The following HS6ST3 variants were observed in gnomAD, a reference collection of about 807,000 sequenced individuals.
HS6ST3 encodes heparan sulfate 6-O-sulfotransferase 3.
Under a neutral mutation model 36.7 loss-of-function variants are expected in HS6ST3, and 12 were observed. The ratio of observed to expected loss-of-function variants is 0.33; its 90% CI spans 0.21 to 0.53. The LOEUF (loss-of-function observed/expected upper bound fraction) is 0.53. Among genes scored for constraint, HS6ST3 ranks in the 20% least tolerant of loss-of-function variants. The pLI is 0.95. For missense variants in HS6ST3, 584 were observed against 640.9 expected, an observed-to-expected ratio of 0.91 and a Z score of 0.96; for synonymous variants, 240 against 257.5, an observed-to-expected ratio of 0.93 and a Z score of 0.65.
intron 1 of HS6ST3, among the ~76,000 whole-genome samples, chr13:96,484,053 A>G (rs188013485): frequency 2.0e-5 from 3 of 152,204 alleles, no homozygotes; most frequent in Non-Finnish European, 4.4e-5. Context: ...TCAGTTGACT[A>G]TATTTATATG....
At chr13:96,388,211 C>T (rs1458305525) in intron 1 of HS6ST3, among the ~76,000 whole-genome samples, 1 of 152,092 alleles carries the variant, frequency 6.6e-6, no homozygotes, top group Non-Finnish European at 1.5e-5. Flanking sequence ...ATATGGCTAT[C>T]CAGAATGAAT....
chr13:96,110,737 C>T (rs1284330556), intron 1 of HS6ST3, among the ~76,000 whole-genome samples: 3 of 152,124 alleles, frequency 2.0e-5, no homozygotes, highest in African/African-American at 7.2e-5. Context: ...GATCACATTT[C>T]AACATGAGAT....
chr13:96,422,215 G>A (rs1360750499), intron 1 of HS6ST3, among the ~76,000 whole-genome samples: 2 of 152,174 alleles, frequency 1.3e-5, no homozygotes, highest in Admixed American at 6.5e-5. Context: ...AAACTCTCAG[G>A]CAGTGAGCCA....
At chr13:96,639,972 A>T (rs1046082390) in intron 1 of HS6ST3, among the ~76,000 whole-genome samples, 3 of 151,980 alleles carry the variant, frequency 2.0e-5, no homozygotes, top group African/African-American at 7.2e-5. Flanking sequence ...TGTTGATTGC[A>T]TCTAGGTTGA....
chr13:96,231,977 C>G (rs535098262), intron 1 of HS6ST3, among the ~76,000 whole-genome samples: 3 of 152,150 alleles, frequency 2.0e-5, no homozygotes, highest in Non-Finnish European at 4.4e-5. Context: ...TTGTTTCCAG[C>G]AGCATTTGTC....
intron 1 of HS6ST3, among the ~76,000 whole-genome samples, chr13:96,279,390 C>G (rs1359994083): frequency 1.3e-5 from 2 of 152,106 alleles, no homozygotes; most frequent in Non-Finnish European, 2.9e-5. Flanking sequence ...TATATGGTCT[C>G]TAGCATTGTG....
At chr13:96,439,455 C>A (rs1038156416) in intron 1 of HS6ST3, among the ~76,000 whole-genome samples, 15 of 152,150 alleles carry the variant, frequency 9.9e-5, no homozygotes, top group African/African-American at 3.4e-4. Flanking sequence ...CAAAGCAATT[C>A]AAATAAATTA....
At chr13:96,112,598 T>TAC (rs2053875197) in intron 1 of HS6ST3, among the ~76,000 whole-genome samples, 1 of 112,234 alleles carries the variant, frequency 8.9e-6, no homozygotes, top group Non-Finnish European at 1.9e-5. Context: ...TATATATATA[T>TAC]ATATATATAT....
At chr13:96,220,025 C>T (rs1056850176) in intron 1 of HS6ST3, among the ~76,000 whole-genome samples, 8 of 152,174 alleles carry the variant, frequency 5.3e-5, no homozygotes, top group South Asian at 2.1e-4. Context: ...TTACTTCATT[C>T]GCTCGTTCAT....
intron 1 of HS6ST3, among the ~76,000 whole-genome samples, chr13:96,750,661 C>T (rs16953554): frequency 0.12 from 18,355 of 152,140 alleles, 1,253 homozygotes; most frequent in African/African-American, 0.17. Context: ...ATAAGTCTGA[C>T]CCCTATGCCT....
chr13:96,747,979 T>C (rs913040821), intron 1 of HS6ST3, among the ~76,000 whole-genome samples: 17 of 152,260 alleles, frequency 1.1e-4, no homozygotes, highest in African/African-American at 4.1e-4. Context: ...GTTCTTTGGC[T>C]TTTATAAGTG....
At chr13:96,737,097 A>G (rs1183382944) in intron 1 of HS6ST3, among the ~76,000 whole-genome samples, 1 of 152,174 alleles carries the variant, frequency 6.6e-6, no homozygotes, top group Non-Finnish European at 1.5e-5. Context: ...CAGTAAACCC[A>G]AAAACTGATT....
intron 1 of HS6ST3, among the ~76,000 whole-genome samples, chr13:96,364,797 G>T (rs1473822023): frequency 6.6e-6 from 1 of 152,156 alleles, no homozygotes; most frequent in Non-Finnish European, 1.5e-5. Context: ...TAAAAATATA[G>T]GAGGGAATAC....
At position 96,703,258 on chromosome 13, in the gene HS6ST3, G is replaced by A. The variant is rs115860335; in HGVS notation, c.708-129232G>A. Among the ~76,000 whole-genome samples, 921 of 152,228 alleles carry A rather than the reference G, an allele frequency of 6.1e-3. 7 individuals are homozygous for A. The highest frequency in any genetic ancestry group is 0.021 in the African/African-American group (867 of 41,530). ...CTTCTCTAAATGATCTATTGACGTC[G>A]GCATTGCCCATCATTGATGCTTTTA... On this transcript the variant is annotated intron_variant, in intron 1 of 1. Coordinates refer to ENST00000376705, the MANE Select transcript of HS6ST3 (RefSeq NM_153456.4).
intron 1 of HS6ST3, among the ~76,000 whole-genome samples, chr13:96,414,833 T>G (rs918149743): frequency 2.6e-5 from 4 of 152,192 alleles, no homozygotes; most frequent in Non-Finnish European, 4.4e-5. Context: ...TCTTGCTGAA[T>G]AAATATGGGC....
chr13:96,292,069 ATATGT>A (rs1291243349), intron 1 of HS6ST3, among the ~76,000 whole-genome samples: 4 of 152,160 alleles, frequency 2.6e-5, no homozygotes, highest in African/African-American at 9.6e-5. Flanking sequence ...AGGTTTTGAA[ATATGT>A]TATAATTCCC....
intron 1 of HS6ST3, among the ~76,000 whole-genome samples, chr13:96,567,910 A>G (rs996314747): frequency 6.6e-6 from 1 of 152,230 alleles, no homozygotes; most frequent in African/African-American, 2.4e-5. Flanking sequence ...AGGGAAGCGC[A>G]TAAGAAAAGA....
intron 1 of HS6ST3, among the ~76,000 whole-genome samples, chr13:96,543,137 A>C (rs1265954655): frequency 6.6e-6 from 1 of 152,160 alleles, no homozygotes; most frequent in Admixed American, 6.6e-5. Flanking sequence ...ACAGAAAGGA[A>C]TTTATTTATC....
chr13:96,678,628 C>A (rs150666271), intron 1 of HS6ST3, among the ~76,000 whole-genome samples: 3 of 151,882 alleles, frequency 2.0e-5, no homozygotes, highest in Admixed American at 2.0e-4. Flanking sequence ...GAGCCAAGAT[C>A]GCACCACTGC....
Sources: allele counts gnomAD v4.1 joint callset (sites outside exome capture counted in the v4.1 genomes callset), GRCh38; gene constraint gnomAD v4.1.1; transcripts MANE v1.5; gene names NCBI Gene and HGNC (gene_info 2026-07-23, HGNC 2026-07-21).